The following SCN7A variants were observed in gnomAD, a reference collection of about 807,000 sequenced individuals.
SCN7A encodes sodium voltage-gated channel alpha subunit 7.
SCN7A carries 138 observed loss-of-function variants against 155.2 expected under a neutral mutation model. The observed-to-expected ratio is 0.89, with a 90% CI of 0.77 to 1.02. SCN7A has a LOEUF of 1.02. SCN7A is among the 50% of genes least tolerant of loss of function. The pLI is 0.00. For missense variants in SCN7A, 2,058 were observed against 1,986.6 expected, an observed-to-expected ratio of 1.04 and a Z score of -0.68; for synonymous variants, 693 against 649.0, an observed-to-expected ratio of 1.07 and a Z score of -1.03.
chr2:166,452,648 C>A (rs1012611706), intron 11 of SCN7A, among the ~76,000 whole-genome samples: 1 of 152,090 alleles, frequency 6.6e-6, no homozygotes, highest in African/African-American at 2.4e-5. Flanking sequence ...GATTATCTTC[C>A]TGAGATTTTG....
chr2:166,467,377 T>C (rs1702557723), intron 7 of SCN7A, among the ~76,000 whole-genome samples: 1 of 151,730 alleles, frequency 6.6e-6, no homozygotes, highest in Non-Finnish European at 1.5e-5. Flanking sequence ...AGTATATCTT[T>C]ATACTGAATT....
At chr2:166,444,309 G>T (rs546739337) in intron 13 of SCN7A, among the ~76,000 whole-genome samples, 2 of 152,284 alleles carry the variant, frequency 1.3e-5, no homozygotes, top group South Asian at 4.1e-4. Context: ...AGGCTAAAAT[G>T]GTAAGTTCCA....
chr2:166,432,258 C>T, intron 16 of SCN7A, 60 bp downstream of exon 16: 1 of 1,375,096 alleles, frequency 7.3e-7, no homozygotes, highest in Non-Finnish European at 9.9e-7. Flanking sequence ...CGCTGATTTA[C>T]TTCCTTATCA....
intron 20 of SCN7A, among the ~76,000 whole-genome samples, chr2:166,417,255 C>G (rs1322096011): frequency 6.6e-6 from 1 of 152,074 alleles, no homozygotes; most frequent in Non-Finnish European, 1.5e-5. Flanking sequence ...GGGTGGATCA[C>G]CAGGTCAGGA....
chr2:166,484,615 CAT>C (rs1703005517), intron 2 of SCN7A, among the ~76,000 whole-genome samples: 1 of 151,910 alleles, frequency 6.6e-6, no homozygotes, highest in Non-Finnish European at 1.5e-5. Flanking sequence ...ATCACTAATA[CAT>C]GTTTTAAGTC....
At chr2:166,414,791 A>G (rs1422010126) in intron 21 of SCN7A, 2 of 136,710 alleles carry the variant, frequency 1.5e-5, no homozygotes, top group African/African-American at 5.5e-5. Context: ...ATATATTATT[A>G]TATAGGATAA....
Position 166,423,239 on chromosome 2 carries a change from A to G in SCN7A, c.3027+20T>C, listed in dbSNP as rs1319007342. ...GAAAAAGTAAATCAAATAGCCTTTCATTTTCTTTAAAATACGTACAATAAC... is the reference window on the plus strand; with the variant it reads ...GAAAAAGTAAATCAAATAGCCTTTCGTTTTCTTTAAAATACGTACAATAAC... On this transcript the variant is annotated intron_variant, in intron 19 of 25. Coordinates refer to ENST00000643258, the MANE Select transcript of SCN7A (RefSeq NM_002976.4). 1 of 1,591,730 alleles carries G rather than the reference A, an allele frequency of 6.3e-7. No individual in the cohort carries two copies. Among genetic ancestry groups the G allele is most frequent in the African/African-American group, 1.4e-5 (1 of 73,286 alleles).
In SCN7A at chr2:166,405,799, C is replaced by A; in HGVS notation, c.4830G>T (p.Lys1610Asn). 1 of 1,613,030 alleles carries A rather than the reference C, an allele frequency of 6.2e-7. No homozygotes were observed. Among genetic ancestry groups the A allele is most frequent in the Non-Finnish European group, 8.5e-7 (1 of 1,179,354 alleles). The change falls in exon 26 of 26, where the codon AAG becomes AAT. Residue 1610 changes from lysine to asparagine, a missense_variant. Physicochemically the swap from Lys to Asn is moderately conservative, Grantham distance 94. Coordinates refer to ENST00000643258, the MANE Select transcript of SCN7A (RefSeq NM_002976.4). ...TAGTCGTAATTGGCTCACATGTGAT[C>A]TTAAAAGGGTTGGCTAACAAAAACC... The part of the protein sequence containing the change: ...ESGFLLANPF[K>N]ITCEPITTTL...
Position 166,494,142 on chromosome 2 carries a change from T to G in SCN7A, c.-302A>C, listed in dbSNP as rs1683176116. 1 of 152,314 alleles carries G rather than the reference T, an allele frequency of 6.6e-6. No individual in the cohort carries two copies. Among genetic ancestry groups the G allele is most frequent in the African/African-American group, 2.4e-5 (1 of 41,406 alleles). The allele number at this position is 152,314 out of a possible 1,614,324, so 9.4% of individuals were successfully genotyped here. On this transcript the variant is annotated 5_prime_UTR_variant, in exon 1 of 26. Coordinates refer to ENST00000643258, the MANE Select transcript of SCN7A (RefSeq NM_002976.4). ...GGCGTCTGTCCTCACCAGCTGTGGCTCTGCAGTAAATGGGCCCCACTAAAT... is the reference window on the plus strand; with the variant it reads ...GGCGTCTGTCCTCACCAGCTGTGGCGCTGCAGTAAATGGGCCCCACTAAAT...
chr2:166,414,134 TATG>T (rs1434368226), intron 21 of SCN7A, among the ~76,000 whole-genome samples: 3 of 79,222 alleles, frequency 3.8e-5, no homozygotes, highest in African/African-American at 1.7e-4. Flanking sequence ...ATATTATATA[TATG>T]TAAATATATA....
At position 166,406,371 on chromosome 2, in the gene SCN7A, AG is replaced by A; in HGVS notation, c.4257del (p.Phe1420LeufsTer66). ...AAAAGACAGAGCATACTGTTGCCAA[AG>A]GTTTCAAAATTAGACACATCATTAA... ...AGINDVSNFETFGNSMLCLFQ... is the reference protein window; with the variant it reads ...AGINDVSNFEXFGNSMLCLFQ... On this transcript the variant is annotated frameshift_variant, in exon 26 of 26. Coordinates refer to ENST00000643258, the MANE Select transcript of SCN7A (RefSeq NM_002976.4). LOFTEE classifies it high-confidence loss of function. 6.2e-7 allele frequency: 1 copy of A among 1,613,148 alleles called. No homozygotes were observed. Among genetic ancestry groups the A allele is most frequent in the Non-Finnish European group, 8.5e-7 (1 of 1,179,402 alleles).
intron 16 of SCN7A, among the ~76,000 whole-genome samples, chr2:166,431,175 T>C (rs1701724824): frequency 6.6e-6 from 1 of 152,072 alleles, no homozygotes; most frequent in South Asian, 2.1e-4. Flanking sequence ...ATCCAAATCT[T>C]TAACGAAGAT....
chr2:166,476,546 C>T lies in SCN7A; in HGVS notation c.234+917G>A, dbSNP rs184872871. 1.2e-4 allele frequency among the ~76,000 whole-genome samples: 19 copies of T among 152,096 alleles called. No individual in the cohort carries two copies. The East Asian group carries it at 1.5e-3, about 12-fold the overall frequency. On this transcript the variant is annotated intron_variant, in intron 3 of 25. Coordinates refer to ENST00000643258, the MANE Select transcript of SCN7A (RefSeq NM_002976.4). ...TGTTCTCTCTGTCTCCTTGCGACTTCAGTCCCGGATTACTCTCTGTGTTAT... is the reference window on the plus strand; with the variant it reads ...TGTTCTCTCTGTCTCCTTGCGACTTTAGTCCCGGATTACTCTCTGTGTTAT...
At chr2:166,464,884 C>G (rs1702493652) in intron 9 of SCN7A, among the ~76,000 whole-genome samples, 1 of 152,174 alleles carries the variant, frequency 6.6e-6, no homozygotes, top group Admixed American at 6.5e-5. Flanking sequence ...TTACTAGCTT[C>G]TAGACCTTGA....
intron 25 of SCN7A, 64 bp from the exon 26 acceptor site, chr2:166,406,710 T>TA (rs1701085145): frequency 9.2e-7 from 1 of 1,089,842 alleles, no homozygotes; most frequent in African/African-American, 1.6e-5. Context: ...TTGAGGACTA[T>TA]AAATTATTTT....
chr2:166,405,339 T>G lies in SCN7A; in HGVS notation c.*241A>C. On this transcript the variant is annotated 3_prime_UTR_variant, in exon 26 of 26. Coordinates refer to ENST00000643258, the MANE Select transcript of SCN7A (RefSeq NM_002976.4). ...ATAAGCCATGTAGAGAAAACAAATA[T>G]GAGATTGTCAAATGGCCACTTTAAC... is the stretch of plus-strand genomic sequence containing the variant. 9.2e-6 allele frequency: 4 copies of G among 436,554 alleles called. No individual in the cohort carries two copies. The highest frequency in any genetic ancestry group is 4.0e-6 in the Non-Finnish European group (1 of 249,552). The allele number at this position is 436,554 out of a possible 1,614,324, so 27.0% of individuals were successfully genotyped here.
At chr2:166,469,802 T>A (rs1467548272) in intron 7 of SCN7A, among the ~76,000 whole-genome samples, 1 of 151,924 alleles carries the variant, frequency 6.6e-6, no homozygotes, top group Non-Finnish European at 1.5e-5. Context: ...CACAGACAGT[T>A]TTTATTAAAC....
At chr2:166,461,199 T>C (rs1702400612) in intron 10 of SCN7A, among the ~76,000 whole-genome samples, 1 of 152,044 alleles carries the variant, frequency 6.6e-6, no homozygotes, top group Non-Finnish European at 1.5e-5. Context: ...GACCCATATA[T>C]ACACATATAT....
In SCN7A at chr2:166,456,973, G is replaced by A; in HGVS notation, c.1187C>T (p.Ala396Val). The A allele has an allele frequency of 3.7e-6, 6 of 1,604,318 alleles. No homozygotes were observed. Among genetic ancestry groups the A allele is most frequent in the East Asian group, 4.5e-5 (2 of 44,608 alleles). Residue 396 changes from alanine to valine, a missense_variant, in exon 11 of 26, where the codon GCC becomes GTC. By Grantham distance (64) the Ala-to-Val change is moderately conservative. Transcript: ENST00000643258. ...ASLFLGILAM[A>V]YEEEKQRVGE... ...AACTCTCTGCTTTTCTTCTTCATAG[G>A]CCATGGCAAGTATGCCTAAGAACAA...
Sources: gnomAD v4.1 joint callset for allele counts (sites outside exome capture counted in the v4.1 genomes callset) on GRCh38, gnomAD v4.1.1 for gene constraint, MANE v1.5 for transcripts, NCBI Gene and HGNC (gene_info 2026-07-23, HGNC 2026-07-21) for gene names.